ZMYM1: variants seen among roughly 807,000 people sequenced by gnomAD.
The protein encoded by ZMYM1 is zinc finger MYM-type protein 1.
ZMYM1 carries 39 observed loss-of-function variants against 60.0 expected under a neutral mutation model. The ratio of observed to expected loss-of-function variants is 0.65; its 90% CI spans 0.50 to 0.85. ZMYM1 has a LOEUF of 0.85. Among genes scored for constraint, ZMYM1 ranks in the 40% least tolerant of loss-of-function variants. The pLI, the probability that ZMYM1 is intolerant of heterozygous loss-of-function variation, is 0.00. For synonymous variants in ZMYM1, 413 were observed against 454.0 expected (o/e 0.91, Z 1.15); for missense variants, 1,171 against 1,309.5 (o/e 0.89, Z 1.63).
At chr1:35,086,831 A>G (rs888807311) in intron 1 of ZMYM1, among the ~76,000 whole-genome samples, 1 of 151,220 alleles carries the variant, frequency 6.6e-6, no homozygotes, top group Non-Finnish European at 1.5e-5. Flanking sequence ...ACAGGCGCCC[A>G]CCACCACGCT....
At position 35,113,973 on chromosome 1, in the gene ZMYM1, G is replaced by T. The variant is rs934435803; in HGVS notation, c.2143G>T (p.Ala715Ser). ...TGATATGGATAAAATACATGGCCAG[G>T]CCTATGATAGCACCACTAATTTGAA... is the stretch of plus-strand genomic sequence containing the variant. ...GVDMDKIHGQ[A>S]YDSTTNLKIK... is the part of the protein sequence containing the mutation. Residue 715 changes from alanine to serine, a missense_variant, in exon 10 of 10, where the codon GCC (alanine) becomes TCC (serine). Transcript: ENST00000359858. 1 of 1,612,200 alleles carries T rather than the reference G, an allele frequency of 6.2e-7. No homozygotes were observed. Among genetic ancestry groups the T allele is most frequent in the African/African-American group, 1.3e-5 (1 of 74,944 alleles).
At chr1:35,082,030 T>G (rs1230380719) in intron 1 of ZMYM1, among the ~76,000 whole-genome samples, 2 of 152,228 alleles carry the variant, frequency 1.3e-5, no homozygotes, top group East Asian at 3.8e-4. Context: ...GCTTAATAAC[T>G]TGGAGATTCT....
downstream of ZMYM1, among the ~76,000 whole-genome samples, chr1:35,117,205 G>A (rs1352076452): frequency 6.7e-6 from 1 of 149,062 alleles, no homozygotes; most frequent in Non-Finnish European, 1.5e-5. Flanking sequence ...CATCAATTTT[G>A]ATAACTTGTA....
intron 1 of ZMYM1, among the ~76,000 whole-genome samples, chr1:35,070,121 A>T (rs1642041431): frequency 6.6e-6 from 1 of 152,096 alleles, no homozygotes; most frequent in Non-Finnish European, 1.5e-5. Flanking sequence ...TATTTCTGTG[A>T]ATAATGTCAT....
At chr1:35,080,644 A>G (rs1449354518) in intron 1 of ZMYM1, among the ~76,000 whole-genome samples, 1 of 151,932 alleles carries the variant, frequency 6.6e-6, no homozygotes, top group Non-Finnish European at 1.5e-5. Context: ...TGCTGTCTCT[A>G]TACCAGGAAT....
Position 35,104,737 on chromosome 1 carries a change from A to C in ZMYM1, c.775A>C (p.Asn259His). ...LQMEGQSHYFNSSKSITAYKQ... is the reference protein window; with the variant it reads ...LQMEGQSHYFHSSKSITAYKQ... ...GATGGAAGGACAGTCTCATTACTTT[A>C]ATAGTTCAAAGAGTATTACAGCATA... The change falls in exon 6 of 10, where the codon AAT becomes CAT. Residue 259 changes from asparagine (N) to histidine (H), a missense_variant. Transcript: ENST00000359858. The C allele has an allele frequency of 1.9e-6, 3 of 1,614,070 alleles. No individual in the cohort carries two copies. The highest frequency in any genetic ancestry group is 2.5e-6 in the Non-Finnish European group (3 of 1,179,936).
chr1:35,110,655 G>T (rs746831964), intron 7 of ZMYM1, among the ~76,000 whole-genome samples: 2 of 152,138 alleles, frequency 1.3e-5, no homozygotes, highest in Non-Finnish European at 2.9e-5. Context: ...TGTAGGCCAA[G>T]CACGGTGGCT....
chr1:35,070,081 G>A (rs976138215), intron 1 of ZMYM1, among the ~76,000 whole-genome samples: 3 of 152,094 alleles, frequency 2.0e-5, no homozygotes, highest in Non-Finnish European at 2.9e-5. Context: ...GTTGTTTGTG[G>A]TTCCATTTGA....
At chr1:35,089,366 C>T (rs1443871154) in intron 1 of ZMYM1, among the ~76,000 whole-genome samples, 4 of 152,086 alleles carry the variant, frequency 2.6e-5, no homozygotes, top group Non-Finnish European at 5.9e-5. Flanking sequence ...GTGAGTTTTG[C>T]TTTACTGTTT....
intron 6 of ZMYM1, among the ~76,000 whole-genome samples, chr1:35,106,933 G>C (rs1643909172): frequency 6.6e-6 from 1 of 151,326 alleles, no homozygotes; most frequent in South Asian, 2.1e-4. Flanking sequence ...CTCACTGCAA[G>C]CTCCGCCTCG....
At chr1:35,074,380 C>T (rs560387568) in intron 1 of ZMYM1, among the ~76,000 whole-genome samples, 5 of 152,138 alleles carry the variant, frequency 3.3e-5, no homozygotes, top group Admixed American at 2.0e-4. Context: ...TCATTTGGTC[C>T]ATGGTGTAGC....
rs1569857358 is a variant in ZMYM1 at position 35,079,408 on chromosome 1, A to G, written c.-109A>G. 1.7e-5 allele frequency: 1 copy of G among 60,526 alleles called. No individual in the cohort carries two copies. The highest frequency in any genetic ancestry group is 5.0e-4 in the East Asian group (1 of 1,984). The allele number at this position is 60,526 out of a possible 1,614,324, so 3.7% of individuals were successfully genotyped here. ...GCCGTTTCGCTTCGAAGATTGTTTC[A>G]GAAGCGTTGGGCGGGGCGTCCCTGA... On this transcript the variant is annotated 5_prime_UTR_variant, in exon 1 of 10. Coordinates refer to ENST00000359858, the MANE Select transcript of ZMYM1 (RefSeq NM_024772.5).
At chr1:35,093,117 G>A (rs1355439599) in intron 1 of ZMYM1, 1 of 152,196 alleles carries the variant, frequency 6.6e-6, no homozygotes, top group Non-Finnish European at 1.5e-5. Context: ...GGGGAAAGGG[G>A]TGGTCAGAGA....
At chr1:35,082,005 C>T (rs942687614) in intron 1 of ZMYM1, among the ~76,000 whole-genome samples, 7 of 152,052 alleles carry the variant, frequency 4.6e-5, no homozygotes, top group African/African-American at 1.7e-4. Flanking sequence ...AATTTATTTT[C>T]GAATGTCTTG....
At chr1:35,116,998 TG>T (rs1044744787), downstream of ZMYM1, among the ~76,000 whole-genome samples, 24 of 150,824 alleles carry the variant, frequency 1.6e-4, no homozygotes, top group Admixed American at 8.6e-4. Context: ...CGCCCGCCAC[TG>T]TGCCCGGCTA....
chr1:35,098,503 A>T (rs530790078), intron 4 of ZMYM1, among the ~76,000 whole-genome samples: 1 of 152,248 alleles, frequency 6.6e-6, no homozygotes, highest in South Asian at 2.1e-4. Flanking sequence ...CTTGTTTTGG[A>T]CTCAGGTTGC....
At chr1:35,112,004 T>G in intron 8 of ZMYM1, 83 bp from the exon 9 acceptor site, 1 of 1,551,008 alleles carries the variant, frequency 6.4e-7, no homozygotes, top group Middle Eastern at 1.7e-4. Flanking sequence ...TTGTTTCTTA[T>G]ATGAAATAAG....
rs71029065 is a variant in ZMYM1 at position 35,089,738 on chromosome 1, C to CTTTTTTT, written c.-74-4157_-74-4151dup. 2.2e-3 allele frequency among the ~76,000 whole-genome samples: 133 copies of CTTTTTTT among 60,998 alleles called. 13 individuals are homozygous for CTTTTTTT. Among genetic ancestry groups the CTTTTTTT allele is most frequent in the African/African-American group, 2.5e-3 (35 of 13,980 alleles). 40.0% of individuals were successfully genotyped at this position (60,998 alleles called of 152,430 possible). ...CCCTCCATAATGATTAGTTGTAAGGCTTTTTTTTTTTTTTTTTTTTTTTTT... is the reference window on the plus strand; with the variant it reads ...CCCTCCATAATGATTAGTTGTAAGGCTTTTTTTTTTTTTTTTTTTTTTTTTTTTTTTT... On this transcript the variant is annotated intron_variant, in intron 1 of 9. Coordinates refer to ENST00000359858, the MANE Select transcript of ZMYM1 (RefSeq NM_024772.5).
At chr1:35,111,700 C>A in intron 7 of ZMYM1, 72 bp from the exon 8 acceptor site, 2 of 1,366,240 alleles carry the variant, frequency 1.5e-6, no homozygotes, top group Non-Finnish European at 1.9e-6. Flanking sequence ...TTTCTTTAAA[C>A]AGTATTACTA....
Sources: allele counts gnomAD v4.1 joint callset (sites outside exome capture counted in the v4.1 genomes callset), GRCh38; gene constraint gnomAD v4.1.1; transcripts MANE v1.5; gene names NCBI Gene and HGNC (gene_info 2026-07-23, HGNC 2026-07-21).